SLIT1: variants seen among roughly 807,000 people sequenced by gnomAD.
The protein encoded by SLIT1 is slit homolog 1 protein.
Under a neutral mutation model 186.1 loss-of-function variants are expected in SLIT1, and 66 were observed. The ratio of observed to expected loss-of-function variants is 0.35; its 90% CI spans 0.29 to 0.44. The LOEUF is 0.44. Among genes scored for constraint, SLIT1 ranks in the 20% least tolerant of loss-of-function variants. The pLI is 1.00. For missense variants in SLIT1, 1,638 were observed against 2,037.4 expected, an observed-to-expected ratio of 0.80 and a Z score of 3.77; for synonymous variants, 761 against 833.8, an observed-to-expected ratio of 0.91 and a Z score of 1.50.
Position 97,132,059 on chromosome 10 carries a change from C to T in SLIT1, c.413+25759G>A, listed in dbSNP as rs376519471. 3.2e-4 allele frequency among the ~76,000 whole-genome samples: 48 copies of T among 152,298 alleles called. No homozygotes were observed. The South Asian group carries it at 9.7e-3, about 31-fold the overall frequency. ...AATGTTTAAAGTAGAAATGAAGCTC[C>T]GGGACGATGCCCCATTGAAGCCCTG... On this transcript the variant is annotated intron_variant, in intron 4 of 36. Coordinates refer to ENST00000266058, the MANE Select transcript of SLIT1 (RefSeq NM_003061.3).
intron 34 of SLIT1, 68 bp downstream of exon 34, chr10:97,003,999 AG>A (rs1180292334): frequency 6.5e-6 from 9 of 1,389,488 alleles, no homozygotes; most frequent in Non-Finnish European, 9.0e-6. Flanking sequence ...TGCAGTCCCT[AG>A]GCACCAGCTC....
At position 97,043,781 on chromosome 10, in the gene SLIT1, T is replaced by C. The variant is rs1255648196; in HGVS notation, c.1854-268A>G. 6.6e-6 allele frequency among the ~76,000 whole-genome samples: 1 copy of C among 152,196 alleles called. No homozygotes were observed. The highest frequency in any genetic ancestry group is 1.9e-4 in the East Asian group (1 of 5,196). On this transcript the variant is annotated intron_variant, in intron 18 of 36. Transcript: ENST00000266058. This position sits in a 1 kb window ranked among gnomAD's most constrained non-coding sequence, Gnocchi z 7.0. Reference sequence around the variant, plus strand: ...ACTGCCCTGTCCCCCATGCTGGCCTTGCCTCCGTGCCCTGGGTGCCCAGAG... The same window carrying C: ...ACTGCCCTGTCCCCCATGCTGGCCTCGCCTCCGTGCCCTGGGTGCCCAGAG...
At chr10:97,132,783 C>T (rs1849666367) in intron 4 of SLIT1, among the ~76,000 whole-genome samples, 1 of 152,202 alleles carries the variant, frequency 6.6e-6, no homozygotes, top group Admixed American at 6.5e-5. Context: ...GTAGACCTGC[C>T]TCAATCTCCA....
chr10:97,174,551 G>C (rs927878046), intron 1 of SLIT1, among the ~76,000 whole-genome samples: 1 of 152,236 alleles, frequency 6.6e-6, no homozygotes, highest in Non-Finnish European at 1.5e-5. Context: ...CCAAGGAGGA[G>C]GAGGCAGGGA....
At chr10:97,062,778 G>A (rs1848905187) in intron 8 of SLIT1, among the ~76,000 whole-genome samples, 1 of 152,262 alleles carries the variant, frequency 6.6e-6, no homozygotes. Flanking sequence ...TCAGACTCTC[G>A]ACACAGTGCT....
At position 97,180,403 on chromosome 10, in the gene SLIT1, C is replaced by A. The variant is rs901862618; in HGVS notation, c.197+5075G>T. On this transcript the variant is annotated intron_variant, in intron 1 of 36. Coordinates refer to ENST00000266058, the MANE Select transcript of SLIT1 (RefSeq NM_003061.3). ...TGGGGGTTCTGAGAAGTCGCCCTTT[C>A]CTCCAGAGCACTTATCCCAGCTTGC... Among the ~76,000 whole-genome samples the A allele has an allele frequency of 6.6e-5, 10 of 152,360 alleles. No individual in the cohort carries two copies. In the South Asian group the frequency reaches 1.9e-3, roughly 28 times the overall value.
chr10:97,054,375 G>A (rs553553293), intron 13 of SLIT1, among the ~76,000 whole-genome samples: 30 of 152,020 alleles, frequency 2.0e-4, no homozygotes, highest in African/African-American at 6.3e-4. Flanking sequence ...TGTTGGTGCC[G>A]TATGTGTACA....
rs778264732 is a variant in SLIT1, at chr10:97,047,038, G to A, written c.1662C>T (p.Ile554=). The A allele has an allele frequency of 5.0e-6, 8 of 1,611,744 alleles. No individual in the cohort carries two copies. The South Asian group carries it at 8.8e-5, about 18-fold the overall frequency. Residue 554 remains isoleucine, a synonymous_variant, in exon 17 of 37, where the codon ATC becomes ATT. Coordinates refer to ENST00000266058, the MANE Select transcript of SLIT1 (RefSeq NM_003061.3). Reference sequence around the variant, plus strand: ...TTTTAAACATCCCAGTGGCCTCCAGGATGGAAATCTCATTGTTATTCAATC... The same window carrying A: ...TTTTAAACATCCCAGTGGCCTCCAGAATGGAAATCTCATTGTTATTCAATC... ...ELRLNNNEIS[I]LEATGMFKKL...
At chr10:97,042,855 G>C in intron 20 of SLIT1, 46 bp downstream of exon 20, 1 of 1,593,440 alleles carries the variant, frequency 6.3e-7, no homozygotes, top group African/African-American at 1.3e-5. Context: ...CCCACTGGTT[G>C]GACCCAGGGC....
intron 25 of SLIT1, among the ~76,000 whole-genome samples, chr10:97,026,427 G>A (rs1242650503): frequency 6.6e-6 from 1 of 151,986 alleles, no homozygotes; most frequent in Non-Finnish European, 1.5e-5. Flanking sequence ...TCTCACCACT[G>A]CACTCCAGCC....
At chr10:97,057,557 G>A (rs149014580) in intron 11 of SLIT1, among the ~76,000 whole-genome samples, 121 of 152,352 alleles carry the variant, frequency 7.9e-4, no homozygotes, top group African/African-American at 2.8e-3. Flanking sequence ...GCCCTCACAC[G>A]TGGACCCCAC....
At chr10:97,095,755 C>G (rs900403773) in intron 4 of SLIT1, among the ~76,000 whole-genome samples, 1 of 152,198 alleles carries the variant, frequency 6.6e-6, no homozygotes, top group Non-Finnish European at 1.5e-5. Context: ...TTCAGAGGCC[C>G]TCGTTTCCTG....
At chr10:97,136,117 A>G (rs1051622494) in intron 4 of SLIT1, among the ~76,000 whole-genome samples, 1 of 152,194 alleles carries the variant, frequency 6.6e-6, no homozygotes, top group African/African-American at 2.4e-5. Flanking sequence ...TAAAGTCACT[A>G]TAAGTCCTTA....
chr10:97,002,624 G>T, intron 35 of SLIT1, 80 bp downstream of exon 35: 1 of 1,344,516 alleles, frequency 7.4e-7, no homozygotes, highest in Non-Finnish European at 1.0e-6. Flanking sequence ...AATATGGGTT[G>T]GAAAACTGTG....
intron 4 of SLIT1, among the ~76,000 whole-genome samples, chr10:97,086,352 C>T (rs563757104): frequency 6.6e-6 from 1 of 152,090 alleles, no homozygotes; most frequent in Non-Finnish European, 1.5e-5. Context: ...GGTGGATCAC[C>T]TGAGGTCAGG....
In SLIT1 at chr10:97,164,865, G is replaced by A. The variant is rs145717031; in HGVS notation, c.223C>T (p.Arg75Trp). The change falls in exon 2 of 37, where the codon CGG becomes TGG. Residue 75 changes from arginine to tryptophan, a missense_variant. This residue lies in a region of SLIT1 where 1,245 missense variants were observed against 1,535.3 expected (regional missense o/e 0.81). Transcript: ENST00000266058. ...RLELNGNNIT[R>W]IHKNDFAGLK... is the part of the protein sequence containing the mutation. ...CCCGCAAAGTCATTCTTATGGATCC[G>A]AGTGATGTTGTTGCCATTGAGTTCC... is the stretch of plus-strand genomic sequence containing the variant. 34 of 1,613,560 alleles carry A rather than the reference G, an allele frequency of 2.1e-5. No individual in the cohort carries two copies. Among genetic ancestry groups the A allele is most frequent in the South Asian group, 8.8e-5 (8 of 91,040 alleles).
At chr10:97,127,620 C>T (rs1849616368) in intron 4 of SLIT1, among the ~76,000 whole-genome samples, 1 of 152,228 alleles carries the variant, frequency 6.6e-6, no homozygotes, top group Admixed American at 6.5e-5. Context: ...AAGACCTCAC[C>T]TCTATGTGTG....
At chr10:97,157,678 C>A (rs1346490337) in intron 4 of SLIT1, 140 bp downstream of exon 4, 1 of 705,622 alleles carries the variant, frequency 1.4e-6, no homozygotes, top group Non-Finnish European at 2.5e-6. Context: ...CCTTTGATGC[C>A]CTGGACCATT....
rs140768439 is a variant in SLIT1 at position 97,122,438 on chromosome 10, G to A, written c.413+35380C>T. On this transcript the variant is annotated intron_variant, in intron 4 of 36. Coordinates refer to ENST00000266058, the MANE Select transcript of SLIT1 (RefSeq NM_003061.3). ...TACGAAAAGGTGAAGCCACGGTGTC[G>A]AGAGCAGGTGGCAGAGGAACCCCAT... is the stretch of plus-strand genomic sequence containing the variant. Among the ~76,000 whole-genome samples the A allele has an allele frequency of 3.1e-3, 478 of 152,308 alleles. 3 individuals are homozygous for A. The highest frequency in any genetic ancestry group is 0.011 in the African/African-American group (443 of 41,570).
Sources: gnomAD v4.1 joint callset for allele counts (sites outside exome capture counted in the v4.1 genomes callset) on GRCh38, gnomAD v4.1.1 for gene constraint, gnomAD v4.1.1 regional missense constraint, Gnocchi (gnomAD v3.1) non-coding constraint, MANE v1.5 for transcripts, NCBI Gene and HGNC (gene_info 2026-07-23, HGNC 2026-07-21) for gene names.